The following NDUFA10 variants were observed in gnomAD, a reference collection of about 807,000 sequenced individuals.
NDUFA10 encodes the protein NADH dehydrogenase [ubiquinone] 1 alpha subcomplex subunit 10, mitochondrial.
NDUFA10 carries 40 observed loss-of-function variants against 47.8 expected under a neutral mutation model. The ratio of observed to expected loss-of-function variants is 0.84; its 90% CI spans 0.65 to 1.09. The LOEUF (loss-of-function observed/expected upper bound fraction) is 1.09, where lower values mean the gene tolerates loss of function less well. Among genes scored for constraint, NDUFA10 ranks in the 50% least tolerant of loss-of-function variants. NDUFA10 has a pLI of 0.00. For missense variants in NDUFA10, 413 were observed against 451.1 expected, an observed-to-expected ratio of 0.92 and a Z score of 0.76; for synonymous variants, 183 against 172.2, an observed-to-expected ratio of 1.06 and a Z score of -0.49.
At chr2:240,007,227 T>C (rs1427385424) in intron 7 of NDUFA10, 89 bp downstream of exon 7, 9 of 978,516 alleles carry the variant, frequency 9.2e-6, no homozygotes, top group Non-Finnish European at 1.1e-5. Flanking sequence ...TTAAGACCAG[T>C]GGGAATCTAA....
intron 9 of NDUFA10, among the ~76,000 whole-genome samples, chr2:239,962,697 G>A (rs1694906251): frequency 6.6e-6 from 1 of 152,222 alleles, no homozygotes; most frequent in Admixed American, 6.5e-5. Context: ...TGGTTCTGCA[G>A]GCTGTGTGGG....
chr2:239,915,547 AAC>A (rs1693850312), intron 4 of NDUFA10, among the ~76,000 whole-genome samples: 1 of 147,238 alleles, frequency 6.8e-6, no homozygotes, highest in South Asian at 2.2e-4. Flanking sequence ...ATACACAGAG[AAC>A]ACACACATAC....
intron 5 of NDUFA10, chr2:240,012,388 T>C (rs1697177996): frequency 6.3e-6 from 1 of 159,582 alleles, no homozygotes; most frequent in Non-Finnish European, 1.4e-5. Flanking sequence ...CCCATCAGCA[T>C]ATGAGCTCAC....
Position 239,945,461 on chromosome 2 carries a change from G to C in NDUFA10, c.294+44613C>G, listed in dbSNP as rs1694433689. On this transcript the variant is annotated intron_variant, in intron 4 of 5. Coordinates refer to the NDUFA10 transcript ENST00000419408. The surrounding 1 kb of genome is among the most constrained non-coding windows in gnomAD (Gnocchi z 4.6). ...GACGCTGGGAGGCCCCTCGGGGGAAGAGCGGACACCCCAACCGGAACGCAG... is the reference window on the plus strand; with the variant it reads ...GACGCTGGGAGGCCCCTCGGGGGAACAGCGGACACCCCAACCGGAACGCAG... Among the ~76,000 whole-genome samples, 1 of 152,152 alleles carries C rather than the reference G, an allele frequency of 6.6e-6. No homozygotes were observed. The highest frequency in any genetic ancestry group is 1.5e-5 in the Non-Finnish European group (1 of 68,026).
chr2:239,994,880 T>C (rs1186500624), intron 8 of NDUFA10, among the ~76,000 whole-genome samples: 1 of 152,222 alleles, frequency 6.6e-6, no homozygotes, highest in Non-Finnish European at 1.5e-5. Flanking sequence ...GGGTGAAGGC[T>C]GGAAGCTGTA....
chr2:239,926,730 A>T (rs1279348521), intron 4 of NDUFA10, among the ~76,000 whole-genome samples: 1 of 152,140 alleles, frequency 6.6e-6, no homozygotes, highest in East Asian at 1.9e-4. Flanking sequence ...GCTCCTGAAG[A>T]CCTTCCAGTG....
intron 8 of NDUFA10, among the ~76,000 whole-genome samples, chr2:240,000,779 C>T (rs574289644): frequency 6.6e-6 from 1 of 152,322 alleles, no homozygotes; most frequent in African/African-American, 2.4e-5. Flanking sequence ...CGTCGTGTTA[C>T]AACTGCCAAC....
intron 4 of NDUFA10, among the ~76,000 whole-genome samples, chr2:239,937,672 G>A (rs1694286752): frequency 6.6e-6 from 1 of 152,190 alleles, no homozygotes; most frequent in Non-Finnish European, 1.5e-5. Context: ...GACTCTGTGA[G>A]GACATGTGCG....
rs574168623 is a variant in NDUFA10 at position 240,005,100 on chromosome 2, TG to T, written c.890+109del. 25 of 936,934 alleles carry T rather than the reference TG, an allele frequency of 2.7e-5. No individual in the cohort carries two copies. The East Asian group carries it at 5.6e-4, about 21-fold the overall frequency. 58.0% of individuals were successfully genotyped at this position (936,934 alleles called of 1,614,324 possible). Reference sequence around the variant, plus strand: ...GAAAAAATACCTCTAAGTATTGGGTTGGTGCTGCTAACACCTAACTTGAAAC... The same window carrying T: ...GAAAAAATACCTCTAAGTATTGGGTTGTGCTGCTAACACCTAACTTGAAAC... On this transcript the variant is annotated intron_variant, in intron 8 of 9. Coordinates refer to ENST00000252711, the MANE Select transcript of NDUFA10 (RefSeq NM_004544.4).
chr2:240,025,150 A>C lies in NDUFA10; in HGVS notation c.75+77T>G, dbSNP rs1009097344. The C allele has an allele frequency of 2.1e-5, 25 of 1,172,368 alleles. No individual in the cohort carries two copies. In the African/African-American group the frequency reaches 3.6e-4, roughly 17 times the overall value. The allele number at this position is 1,172,368 out of a possible 1,614,324, so 72.6% of individuals were successfully genotyped here. The stretch of plus-strand genomic sequence containing the variant: ...GGGAGCCGCCGCCAGAGGCCGGGGG[A>C]GATGTGGAACTGCTCCCCACCCCGC... On this transcript the variant is annotated intron_variant, in intron 1 of 9. Transcript: ENST00000252711.
intron 1 of NDUFA10, among the ~76,000 whole-genome samples, chr2:240,024,106 G>C (rs1697754888): frequency 6.6e-6 from 1 of 152,230 alleles, no homozygotes; most frequent in Non-Finnish European, 1.5e-5. Flanking sequence ...TACTACATGA[G>C]TAATCGCTCT....
At position 239,960,621 on chromosome 2, in the gene NDUFA10, C is replaced by G; in HGVS notation, c.*497G>C. The G allele has an allele frequency of 9.7e-7, 1 of 1,029,016 alleles. No individual in the cohort carries two copies. The highest frequency in any genetic ancestry group is 1.2e-6 in the Non-Finnish European group (1 of 854,104). 63.7% of individuals were successfully genotyped at this position (1,029,016 alleles called of 1,614,324 possible). A position where few individuals can be genotyped will look rare whatever the true frequency, so the allele number is the denominator to read the frequency against. Reference sequence around the variant, plus strand: ...AATACAGTAGGCCTTTAGAAAAACTCTTCAGCATAATGTAAGCCTCAATTA... The same window carrying G: ...AATACAGTAGGCCTTTAGAAAAACTGTTCAGCATAATGTAAGCCTCAATTA... On this transcript the variant is annotated 3_prime_UTR_variant, in exon 10 of 10. Coordinates refer to ENST00000252711, the MANE Select transcript of NDUFA10 (RefSeq NM_004544.4).
chr2:239,937,370 C>T (rs74002028), intron 4 of NDUFA10, among the ~76,000 whole-genome samples: 2,450 of 152,286 alleles, frequency 0.016, 80 homozygotes, highest in African/African-American at 0.057. Flanking sequence ...AGTCACTGCC[C>T]GTTCCCCTTC....
chr2:240,012,932 G>C (rs2106483883), intron 5 of NDUFA10: 1 of 152,354 alleles, frequency 6.6e-6, no homozygotes, highest in Non-Finnish European at 1.5e-5. Flanking sequence ...CTCTGTATTA[G>C]AGGAGTGAGT....
Position 240,016,348 on chromosome 2 carries a change from T to A in NDUFA10, c.548-1488A>T, listed in dbSNP as rs546542141. Among the ~76,000 whole-genome samples the A allele has an allele frequency of 2.0e-5, 3 of 152,246 alleles. No individual in the cohort carries two copies. In the South Asian group the frequency reaches 6.2e-4, roughly 32 times the overall value. ...TCTCTCCTGCTGCTGAGGTGAAACC[T>A]CCCTTCACCGAGTCTGCTCTCACCC... On this transcript the variant is annotated intron_variant, in intron 4 of 9. Transcript: ENST00000252711. This position sits in a 1 kb window ranked among gnomAD's most constrained non-coding sequence, Gnocchi z 4.4.
intron 4 of NDUFA10, among the ~76,000 whole-genome samples, chr2:239,917,634 C>A (rs1271451567): frequency 1.3e-5 from 2 of 152,244 alleles, no homozygotes; most frequent in Non-Finnish European, 2.9e-5. Context: ...GAACCTGTCA[C>A]AATTTGACTA....
chr2:239,917,784 G>A (rs7580313), intron 4 of NDUFA10, among the ~76,000 whole-genome samples: 2,061 of 152,318 alleles, frequency 0.014, 42 homozygotes, highest in African/African-American at 0.04. Context: ...TGTTAAGTCC[G>A]CTGGCTCTGA....
chr2:239,895,304 T>C (rs1436648428), exon 5 of NDUFA10: 1 of 467,648 alleles, frequency 2.1e-6, no homozygotes, highest in East Asian at 7.0e-5. Flanking sequence ...GTGCTCCTGG[T>C]CTGCTGGGAC....
In NDUFA10 at chr2:239,959,968, C is replaced by G. The variant is rs958619020; in HGVS notation, c.*1150G>C. ...GGGAGCAGAGCATCGTCCTCTGCAC[C>G]AGCACTGGAACTACTGCCCACAGGC... On this transcript the variant is annotated 3_prime_UTR_variant, in exon 10 of 10. Coordinates refer to ENST00000252711, the MANE Select transcript of NDUFA10 (RefSeq NM_004544.4). 1.0e-6 allele frequency: 1 copy of G among 985,522 alleles called. No individual in the cohort carries two copies. Among genetic ancestry groups the G allele is most frequent in the Non-Finnish European group, 1.2e-6 (1 of 829,948 alleles). The allele number at this position is 985,522 out of a possible 1,614,324, so 61.0% of individuals were successfully genotyped here.
Sources: allele counts gnomAD v4.1 joint callset (sites outside exome capture counted in the v4.1 genomes callset), GRCh38; gene constraint gnomAD v4.1.1; non-coding constraint Gnocchi (gnomAD v3.1); transcripts MANE v1.5; gene names NCBI Gene and HGNC (gene_info 2026-07-23, HGNC 2026-07-21).